HDGFL3: variants seen among roughly 807,000 people sequenced by gnomAD.
HDGFL3 encodes hepatoma-derived growth factor-related protein 3.
Under a neutral mutation model 27.6 loss-of-function variants are expected in HDGFL3, and 6 were observed. That is an observed-to-expected ratio of 0.22 (90% CI 0.12 to 0.43). HDGFL3 has a LOEUF of 0.43. Among genes scored for constraint, HDGFL3 ranks in the 20% least tolerant of loss-of-function variants. HDGFL3 has a pLI of 1.00. For missense variants in HDGFL3, 207 were observed against 250.1 expected (o/e 0.83, Z 1.16); for synonymous variants, 88 against 88.9 (o/e 0.99, Z 0.05).
rs557042867 is a variant in HDGFL3, at chr15:83,145,256, CA to C, written c.606+5958del. On this transcript the variant is annotated intron_variant, in intron 5 of 5. Transcript: ENST00000299633. ...ACTCATATCCCCAGTCAGCTTTGCA[CA>C]GGTCCTTTTACGGCCTCATTTCTTA... is the stretch of plus-strand genomic sequence containing the variant. 2.7e-3 allele frequency among the ~76,000 whole-genome samples: 413 copies of C among 152,254 alleles called. 4 individuals carry two copies. The highest frequency in any genetic ancestry group is 9.5e-3 in the African/African-American group (393 of 41,544).
In HDGFL3 at chr15:83,133,510, T is replaced by C. The variant is rs2036398897; in HGVS notation, c.*5760A>G. 1 of 152,246 alleles carries C rather than the reference T, an allele frequency of 6.6e-6. No homozygotes were observed. Among genetic ancestry groups the C allele is most frequent in the Non-Finnish European group, 1.5e-5 (1 of 68,042 alleles). The allele number at this position is 152,246 out of a possible 1,614,324, so 9.4% of individuals were successfully genotyped here. On this transcript the variant is annotated 3_prime_UTR_variant, in exon 6 of 6. Coordinates refer to ENST00000299633, the MANE Select transcript of HDGFL3 (RefSeq NM_016073.4). The stretch of plus-strand genomic sequence containing the variant: ...AAAATCAGAGTATATCTCTTAATTA[T>C]TTCTGTAAGGTGAAAATGATTTAGA...
chr15:83,127,711 C>T (rs760510163), downstream of HDGFL3: 1 of 400,946 alleles, frequency 2.5e-6, no homozygotes, highest in South Asian at 2.8e-5. Context: ...TATCTGTGGT[C>T]CAGTGAAGTT....
rs185392832 is a variant in HDGFL3, at chr15:83,162,219, C to T, written c.161+1780G>A. On this transcript the variant is annotated intron_variant, in intron 2 of 5. Transcript: ENST00000299633. Reference sequence around the variant, plus strand: ...TAAGAAACACTGACATAATTTCTGCCTTCAGAGAGGGTGAACATTCATACT... The same window carrying T: ...TAAGAAACACTGACATAATTTCTGCTTTCAGAGAGGGTGAACATTCATACT... Among the ~76,000 whole-genome samples the T allele has an allele frequency of 7.1e-3, 1,078 of 152,226 alleles. 14 individuals carry two copies. Among genetic ancestry groups the T allele is most frequent in the Non-Finnish European group, 7.7e-3 (525 of 68,010 alleles).
chr15:83,158,729 A>G (rs1955655311), intron 2 of HDGFL3, among the ~76,000 whole-genome samples: 1 of 152,230 alleles, frequency 6.6e-6, no homozygotes, highest in South Asian at 2.1e-4. Flanking sequence ...AAATCATAGT[A>G]TATATAGGTT....
chr15:83,123,270 C>T (rs1189063108), downstream of HDGFL3, among the ~76,000 whole-genome samples: 7 of 152,078 alleles, frequency 4.6e-5, no homozygotes, highest in African/African-American at 7.2e-5. Context: ...CAAGAGGACA[C>T]TGGAGGGATA....
intron 3 of HDGFL3, among the ~76,000 whole-genome samples, chr15:83,120,257 G>A (rs1186984544): frequency 1.3e-5 from 2 of 152,210 alleles, no homozygotes; most frequent in Non-Finnish European, 2.9e-5. Flanking sequence ...GGTCTTGGGA[G>A]GCACACATGT....
chr15:83,192,062 C>A (rs571898703), intron 1 of HDGFL3, among the ~76,000 whole-genome samples: 20 of 151,916 alleles, frequency 1.3e-4, no homozygotes, highest in African/African-American at 4.6e-4. Context: ...CTGCCTCAGC[C>A]TCCCAAGTAG....
chr15:83,202,598 C>A (rs1204327243), intron 1 of HDGFL3, among the ~76,000 whole-genome samples: 1 of 152,008 alleles, frequency 6.6e-6, no homozygotes. Flanking sequence ...AAATTTAATC[C>A]ATGTAGAAGT....
chr15:83,194,604 TAAA>T (rs2151421081), intron 1 of HDGFL3, among the ~76,000 whole-genome samples: 1 of 152,272 alleles, frequency 6.6e-6, no homozygotes, highest in East Asian at 1.9e-4. Flanking sequence ...AATGAGCACA[TAAA>T]AAGCTTATTC....
intron 1 of HDGFL3, among the ~76,000 whole-genome samples, chr15:83,183,364 A>C (rs181941113): frequency 4.6e-5 from 7 of 152,336 alleles, no homozygotes; most frequent in African/African-American, 1.7e-4. Context: ...AATTATTGCT[A>C]AATAATTGGA....
intron 3 of HDGFL3, among the ~76,000 whole-genome samples, chr15:83,118,506 G>A (rs879230073): frequency 1.3e-5 from 2 of 152,184 alleles, no homozygotes; most frequent in Non-Finnish European, 2.9e-5. Context: ...GAGAAGGGAC[G>A]TGGGCCTGGC....
chr15:83,156,756 C>T (rs1021437345), intron 4 of HDGFL3, among the ~76,000 whole-genome samples: 9 of 151,996 alleles, frequency 5.9e-5, no homozygotes, highest in Admixed American at 4.6e-4. Context: ...TGCAGTGGCA[C>T]GATTTTGGCT....
chr15:83,167,384 T>C (rs1227891505), intron 1 of HDGFL3, among the ~76,000 whole-genome samples: 1 of 152,014 alleles, frequency 6.6e-6, no homozygotes, highest in Non-Finnish European at 1.5e-5. Flanking sequence ...GGTGAAACCC[T>C]GTCTCTACTA....
At position 83,134,999 on chromosome 15, in the gene HDGFL3, T is replaced by A. The variant is rs2036517210; in HGVS notation, c.*4271A>T. 1 of 152,188 alleles carries A rather than the reference T, an allele frequency of 6.6e-6. No individual in the cohort carries two copies. The highest frequency in any genetic ancestry group is 1.5e-5 in the Non-Finnish European group (1 of 68,046). 9.4% of individuals were successfully genotyped at this position (152,188 alleles called of 1,614,324 possible). A position where few individuals can be genotyped will look rare whatever the true frequency, so the allele number is the denominator to read the frequency against. On this transcript the variant is annotated 3_prime_UTR_variant, in exon 6 of 6. Coordinates refer to ENST00000299633, the MANE Select transcript of HDGFL3 (RefSeq NM_016073.4). ...GCATATACATTTGCTGGGTTCTGCC[T>A]GGGCATCTACCCAGGGGAGTTGTAT...
In HDGFL3 at chr15:83,158,466, T is replaced by G. The variant is rs2037059731; in HGVS notation, c.162-425A>C. 2.0e-5 allele frequency among the ~76,000 whole-genome samples: 3 copies of G among 152,224 alleles called. No homozygotes were observed. The South Asian group carries it at 6.2e-4, about 32-fold the overall frequency. On this transcript the variant is annotated intron_variant, in intron 2 of 5. Transcript: ENST00000299633. ...GCTAGAATAAAAAAAAGATTTTAAC[T>G]CTCTATATAGTAATTCCCCACTTAA... is the stretch of plus-strand genomic sequence containing the variant.
At chr15:83,127,606 C>A, downstream of HDGFL3, 1 of 994,112 alleles carries the variant, frequency 1.0e-6, no homozygotes, top group Admixed American at 2.3e-5. Flanking sequence ...TTTTGTTTTG[C>A]AGTTCTTCAG....
chr15:83,160,445 A>G (rs1782527417), intron 2 of HDGFL3, among the ~76,000 whole-genome samples: 2 of 151,864 alleles, frequency 1.3e-5, no homozygotes, highest in African/African-American at 4.8e-5. Flanking sequence ...TCAGCCTCCC[A>G]AAGTGCTGGG....
At chr15:83,184,548 T>C (rs2037417432) in intron 1 of HDGFL3, 1 of 152,218 alleles carries the variant, frequency 6.6e-6, no homozygotes, top group African/African-American at 2.4e-5. Flanking sequence ...TGTTATAAAA[T>C]ATTTTATCTA....
In HDGFL3 at chr15:83,128,427, T is replaced by G. The variant is rs564427719; in HGVS notation, c.*10843A>C. The G allele has an allele frequency of 3.9e-5, 6 of 152,332 alleles. No individual in the cohort carries two copies. Among genetic ancestry groups the G allele is most frequent in the Non-Finnish European group, 8.8e-5 (6 of 68,028 alleles). The allele number at this position is 152,332 out of a possible 1,614,324, so 9.4% of individuals were successfully genotyped here. On this transcript the variant is annotated 3_prime_UTR_variant, in exon 6 of 6. Transcript: ENST00000299633. ...GTTCCTGTCCTTTCCTTGAGGGGCT[T>G]AAGAAGGAAGAGAACTAACATTTAT...
Sources: allele counts gnomAD v4.1 joint callset (sites outside exome capture counted in the v4.1 genomes callset), GRCh38; gene constraint gnomAD v4.1.1; transcripts MANE v1.5; gene names NCBI Gene and HGNC (gene_info 2026-07-23, HGNC 2026-07-21).